Variants in POSTN observed in about 807,000 individuals in gnomAD.
POSTN encodes periostin, also known as osteoblast specific factor 2 (fasciclin I-like).
Under a neutral mutation model 104.5 loss-of-function variants are expected in POSTN, and 71 were observed. The observed-to-expected ratio is 0.68, with a 90% CI of 0.56 to 0.83. The LOEUF is 0.83. POSTN is among the 40% of genes least tolerant of loss of function. POSTN has a pLI of 0.00. For missense variants in POSTN, 949 were observed against 1,006.8 expected (o/e 0.94, Z 0.78); for synonymous variants, 355 against 340.7 (o/e 1.04, Z -0.46).
chr13:37,581,640 C>G (rs1950593727), intron 10 of POSTN, among the ~76,000 whole-genome samples: 1 of 152,010 alleles, frequency 6.6e-6, no homozygotes. Context: ...GGAGGGTCCC[C>G]TGGAGCCAAG....
chr13:37,564,219 T>C (rs1210873991), intron 22 of POSTN, among the ~76,000 whole-genome samples: 1 of 129,238 alleles, frequency 7.7e-6, no homozygotes, highest in Non-Finnish European at 1.7e-5. Context: ...TATATATATA[T>C]ATATATATAT....
chr13:37,596,934 G>A (rs1037230760), intron 2 of POSTN, among the ~76,000 whole-genome samples: 1 of 152,162 alleles, frequency 6.6e-6, no homozygotes, highest in African/African-American at 2.4e-5. Flanking sequence ...CCAATCCTGA[G>A]CCATGTGATC....
intron 22 of POSTN, 49 bp downstream of exon 22, chr13:37,564,470 T>G (rs1593301680): frequency 9.8e-7 from 1 of 1,024,168 alleles, no homozygotes. Flanking sequence ...TTTCTCTTCA[T>G]GTAACAAAAG....
At chr13:37,578,764 A>G in intron 15 of POSTN, 80 bp downstream of exon 15, 2 of 1,230,814 alleles carry the variant, frequency 1.6e-6, no homozygotes, top group Non-Finnish European at 2.2e-6. Flanking sequence ...ATGCCACTGC[A>G]CTACAGCCTG....
chr13:37,586,133 A>G lies in POSTN; in HGVS notation c.895+6T>C. ...AGACTCCTTAGAGATGAAGACATTA[A>G]ACTACCTTCGGAAGCCACTTTGTCT... On this transcript the variant is annotated splice_donor_region_variant and intron_variant, in intron 7 of 22. Coordinates refer to ENST00000379747, the MANE Select transcript of POSTN (RefSeq NM_006475.3). 1 of 1,609,358 alleles carries G rather than the reference A, an allele frequency of 6.2e-7. No homozygotes were observed.
At chr13:37,585,856 G>T (rs1279528423) in intron 7 of POSTN, among the ~76,000 whole-genome samples, 2 of 152,142 alleles carry the variant, frequency 1.3e-5, no homozygotes, top group Non-Finnish European at 2.9e-5. Flanking sequence ...AAAATTTGAT[G>T]ATCTAATATT....
intron 7 of POSTN, among the ~76,000 whole-genome samples, chr13:37,585,383 G>A (rs961251697): frequency 6.6e-6 from 1 of 152,136 alleles, no homozygotes; most frequent in South Asian, 2.1e-4. Context: ...TCTACCAAAA[G>A]AGAAAGAAAA....
At chr13:37,586,335 T>C (rs1280322229) in intron 6 of POSTN, 55 bp from the exon 7 acceptor site, 36 of 1,554,604 alleles carry the variant, frequency 2.3e-5, no homozygotes, top group East Asian at 4.5e-5. Context: ...CAGAAAAAGA[T>C]TGCAACACAC....
intron 17 of POSTN, among the ~76,000 whole-genome samples, chr13:37,573,058 A>G (rs1365853290): frequency 6.6e-6 from 1 of 151,582 alleles, no homozygotes; most frequent in African/African-American, 2.4e-5. Context: ...AAAGATTAGT[A>G]GGATAGAATC....
At chr13:37,579,164 G>T in intron 13 of POSTN, 43 bp from the exon 14 acceptor site, 1 of 1,603,474 alleles carries the variant, frequency 6.2e-7, no homozygotes. Flanking sequence ...ATTTCATTAA[G>T]GATGAATATT....
intron 17 of POSTN, among the ~76,000 whole-genome samples, chr13:37,574,104 A>G (rs1347490153): frequency 6.6e-6 from 1 of 151,688 alleles, no homozygotes; most frequent in African/African-American, 2.4e-5. Flanking sequence ...GTAATTTTAA[A>G]AGCTTTCAGT....
At position 37,580,473 on chromosome 13, in the gene POSTN, A is replaced by G. The variant is rs958262722; in HGVS notation, c.1529+88T>C. On this transcript the variant is annotated intron_variant, in intron 11 of 22. Coordinates refer to ENST00000379747, the MANE Select transcript of POSTN (RefSeq NM_006475.3). The stretch of plus-strand genomic sequence containing the variant: ...TAAATTCCATTTTCAACCACATAGG[A>G]GACTGAATGCCTTTTGGGATACCGC... The G allele has an allele frequency of 2.2e-5, 31 of 1,399,304 alleles. No individual in the cohort carries two copies. In the South Asian group the frequency reaches 3.3e-4, roughly 15 times the overall value. The allele number at this position is 1,399,304 out of a possible 1,614,324, so 86.7% of individuals were successfully genotyped here.
intron 2 of POSTN, among the ~76,000 whole-genome samples, chr13:37,593,812 A>C (rs1951010296): frequency 6.6e-6 from 1 of 151,652 alleles, no homozygotes; most frequent in South Asian, 2.1e-4. Context: ...GAGTTGAATA[A>C]AAGTAAATAA....
intron 3 of POSTN, 60 bp downstream of exon 3, chr13:37,592,040 C>T (rs775694441): frequency 3.3e-6 from 4 of 1,212,756 alleles, no homozygotes; most frequent in Non-Finnish European, 3.7e-6. Flanking sequence ...TCTCCACAAG[C>T]CACCTCAACC....
At chr13:37,582,633 G>T in intron 9 of POSTN, 119 bp from the exon 10 acceptor site, 1 of 947,892 alleles carries the variant, frequency 1.1e-6, no homozygotes, top group East Asian at 2.7e-5. Context: ...CATGGATTTT[G>T]CACTCATATA....
intron 2 of POSTN, among the ~76,000 whole-genome samples, chr13:37,594,461 CAGA>C (rs1029535669): frequency 2.0e-5 from 3 of 151,782 alleles, no homozygotes; most frequent in Non-Finnish European, 4.4e-5. Context: ...CAGTTTTTTT[CAGA>C]AGAACATTTA....
At chr13:37,565,237 G>A (rs1356129966) in intron 21 of POSTN, 2 of 151,918 alleles carry the variant, frequency 1.3e-5, no homozygotes, top group African/African-American at 4.8e-5. Flanking sequence ...GCTGTTTTGT[G>A]TTGTTATAGT....
At chr13:37,576,583 A>G (rs1950415235) in intron 16 of POSTN, among the ~76,000 whole-genome samples, 2 of 150,040 alleles carry the variant, frequency 1.3e-5, no homozygotes, top group Admixed American at 1.3e-4. Flanking sequence ...AGCTAAAGAA[A>G]TGTAGTGGGA....
intron 18 of POSTN, chr13:37,570,923 G>A (rs541052105): frequency 5.3e-6 from 2 of 378,030 alleles, no homozygotes; most frequent in South Asian, 4.5e-5. Flanking sequence ...TTGTTTTCTG[G>A]ATGTGGAATA....
Sources: allele counts gnomAD v4.1 joint callset (sites outside exome capture counted in the v4.1 genomes callset), GRCh38; gene constraint gnomAD v4.1.1; transcripts MANE v1.5; gene names NCBI Gene and HGNC (gene_info 2026-07-23, HGNC 2026-07-21).